Variants in RBFOX1 observed in about 807,000 individuals in gnomAD.
RBFOX1 encodes the protein RNA binding protein fox-1 homolog 1.
A neutral mutation model predicts 57.7 loss-of-function variants in RBFOX1; 8 were observed. The ratio of observed to expected loss-of-function variants is 0.14; its 90% CI spans 0.08 to 0.25. The LOEUF is 0.25. Ranked by LOEUF, RBFOX1 falls within the 10% of genes least tolerant of loss-of-function variation. The probability of loss-of-function intolerance (pLI) is 1.00; values close to 1 mark genes in which losing one functional copy is unlikely to be tolerated. For synonymous variants in RBFOX1, 326 were observed against 222.4 expected (o/e 1.47, Z -4.15); for missense variants, 611 against 548.5 (o/e 1.11, Z -1.14).
rs114135008 is a variant in RBFOX1, at chr16:6,964,655, G to A, written c.-15-87402G>A. 6.9e-3 allele frequency among the ~76,000 whole-genome samples: 1,045 copies of A among 152,258 alleles called. 16 individuals carry two copies. Among genetic ancestry groups the A allele is most frequent in the African/African-American group, 0.024 (994 of 41,548 alleles). On this transcript the variant is annotated intron_variant, in intron 3 of 15. Coordinates refer to ENST00000550418, the MANE Select transcript of RBFOX1 (RefSeq NM_018723.4). ...TTTGAAGAAAATAAAAATACATTTT[G>A]ACAAACTCATTCCTTCCCAGGATTT...
At chr16:7,586,342 G>A (rs770917435) in intron 6 of RBFOX1, among the ~76,000 whole-genome samples, 16 of 152,092 alleles carry the variant, frequency 1.1e-4, no homozygotes, top group Middle Eastern at 3.2e-3. Context: ...CAGATGATCC[G>A]ATGCCCCTAG....
intron 4 of RBFOX1, among the ~76,000 whole-genome samples, chr16:7,071,370 T>G (rs868512216): frequency 6.6e-6 from 1 of 152,026 alleles, no homozygotes; most frequent in African/African-American, 2.4e-5. Context: ...TGAAATTAGG[T>G]GTTAGAAAAG....
intron 4 of RBFOX1, chr16:7,431,383 T>TGC (rs2149592750): frequency 6.7e-6 from 1 of 149,118 alleles, no homozygotes; most frequent in South Asian, 2.1e-4. Flanking sequence ...TGCACCAACA[T>TGC]GCGCAGTTAA....
intron 4 of RBFOX1, among the ~76,000 whole-genome samples, chr16:7,483,125 C>T (rs947349606): frequency 2.0e-5 from 3 of 152,174 alleles, no homozygotes; most frequent in African/African-American, 7.2e-5. Flanking sequence ...ACTGTTTCTC[C>T]AGCTGTACCA....
chr16:5,366,576 A>T lies in RBFOX1; in HGVS notation c.220-100640A>T, dbSNP rs2065722211. 1.8e-5 allele frequency: 7 copies of T among 387,510 alleles called. No homozygotes were observed. In the Admixed American group the frequency reaches 2.3e-4, roughly 13 times the overall value. The allele number at this position is 387,510 out of a possible 1,614,324, so 24.0% of individuals were successfully genotyped here. On this transcript the variant is annotated intron_variant, in intron 1 of 2. Transcript: ENST00000585867. ...CAGAAATGCAAGCAAATATAGAAAA[A>T]GGTGATTCTTTTCCCAGAGAGGAAG... is the stretch of plus-strand genomic sequence containing the variant.
intron 9 of RBFOX1, among the ~76,000 whole-genome samples, chr16:7,602,062 G>A (rs1417849323): frequency 6.6e-6 from 1 of 152,124 alleles, no homozygotes; most frequent in East Asian, 1.9e-4. Flanking sequence ...CGTACATAAG[G>A]GTGCTCTCTG....
chr16:5,574,444 G>C (rs969766444), intron 2 of RBFOX1, among the ~76,000 whole-genome samples: 1 of 150,722 alleles, frequency 6.6e-6, no homozygotes, highest in Non-Finnish European at 1.5e-5. Flanking sequence ...TTTTAAGACG[G>C]TGTCTCTGTC....
intron 2 of RBFOX1, among the ~76,000 whole-genome samples, chr16:5,496,576 G>A (rs74866334): frequency 1.2e-3 from 185 of 152,272 alleles, no homozygotes; most frequent in Non-Finnish European, 1.9e-3. Context: ...GAGGAAGCTT[G>A]CTTTTCTCTC....
rs1160050616 is a variant in RBFOX1, at chr16:6,462,744, C to T, written c.-64+145687C>T. On this transcript the variant is annotated intron_variant, in intron 2 of 15. Transcript: ENST00000550418. The stretch of plus-strand genomic sequence containing the variant: ...AAATTGGAGCAATTTGAAGTCTTCC[C>T]GACGCTATAAACTACCTGAACAACA... Among the ~76,000 whole-genome samples the T allele has an allele frequency of 2.7e-5, 4 of 150,922 alleles. No individual in the cohort carries two copies. The South Asian group carries it at 6.4e-4, about 24-fold the overall frequency.
At chr16:6,136,757 G>A (rs935242130) in intron 1 of RBFOX1, among the ~76,000 whole-genome samples, 9 of 152,096 alleles carry the variant, frequency 5.9e-5, no homozygotes, top group South Asian at 2.1e-4. Flanking sequence ...ATCACAAGCC[G>A]ACATTTGTAC....
chr16:7,410,871 A>C (rs8044319), intron 4 of RBFOX1, among the ~76,000 whole-genome samples: 2 of 151,226 alleles, frequency 1.3e-5, no homozygotes, highest in Non-Finnish European at 2.9e-5. Flanking sequence ...GTGTGTGTAA[A>C]TCACCCTAAT....
intron 4 of RBFOX1, among the ~76,000 whole-genome samples, chr16:7,196,718 A>G (rs1019264525): frequency 1.3e-5 from 2 of 152,190 alleles, no homozygotes; most frequent in African/African-American, 4.8e-5. Flanking sequence ...GTCAGGAGTC[A>G]TGCTGCAAAG....
chr16:7,078,749 C>G (rs540367247), intron 4 of RBFOX1, among the ~76,000 whole-genome samples: 6 of 148,160 alleles, frequency 4.0e-5, no homozygotes, highest in African/African-American at 1.2e-4. Flanking sequence ...ATGGCATGAT[C>G]TAGGCTCACT....
intron 3 of RBFOX1, among the ~76,000 whole-genome samples, chr16:5,821,190 AT>A (rs1014034274): frequency 6.6e-6 from 1 of 150,990 alleles, no homozygotes; most frequent in Non-Finnish European, 1.5e-5. Context: ...GGGAGATAAC[AT>A]GGGGGGCTGC....
intron 4 of RBFOX1, among the ~76,000 whole-genome samples, chr16:7,406,129 C>G (rs1021386668): frequency 3.3e-5 from 5 of 152,112 alleles, no homozygotes; most frequent in Non-Finnish European, 7.3e-5. Context: ...CCGCATTGCC[C>G]AAAACACAGA....
rs543727840 is a variant in RBFOX1 at position 7,604,935 on chromosome 16, T to A, written c.623-2350T>A. ...TACCAATAAGAGGTAGGAGCATCAG[T>A]AGAGTATGAGATGGGTAACAGTGGA... On this transcript the variant is annotated intron_variant, in intron 9 of 15. Coordinates refer to ENST00000550418, the MANE Select transcript of RBFOX1 (RefSeq NM_018723.4). Among the ~76,000 whole-genome samples the A allele has an allele frequency of 5.6e-4, 85 of 152,262 alleles. 1 individual carries two copies. The highest frequency in any genetic ancestry group is 1.2e-3 in the Admixed American group (19 of 15,308).
At chr16:7,255,430 T>C (rs566448158) in intron 4 of RBFOX1, among the ~76,000 whole-genome samples, 1 of 152,248 alleles carries the variant, frequency 6.6e-6, no homozygotes, top group Non-Finnish European at 1.5e-5. Context: ...CATTTTGTTA[T>C]ATCCACATAA....
chr16:6,949,692 C>T (rs936641175), intron 3 of RBFOX1, among the ~76,000 whole-genome samples: 8 of 152,140 alleles, frequency 5.3e-5, no homozygotes, highest in Admixed American at 6.6e-5. Flanking sequence ...TAATTACCTC[C>T]TTCTAGGTCC....
intron 4 of RBFOX1, among the ~76,000 whole-genome samples, chr16:7,459,522 C>G (rs2059160761): frequency 6.6e-6 from 1 of 152,156 alleles, no homozygotes; most frequent in African/African-American, 2.4e-5. Flanking sequence ...CAGATTAAAG[C>G]CTTGCATCCA....
Sources: gnomAD v4.1 joint callset for allele counts (sites outside exome capture counted in the v4.1 genomes callset) on GRCh38, gnomAD v4.1.1 for gene constraint, MANE v1.5 for transcripts, NCBI Gene and HGNC (gene_info 2026-07-23, HGNC 2026-07-21) for gene names.